AGAP1: variants seen among roughly 807,000 people sequenced by gnomAD.
AGAP1 encodes the protein ArfGAP with GTPase domain, ankyrin repeat and PH domain 1.
A neutral mutation model predicts 105.3 loss-of-function variants in AGAP1; 29 were observed. The ratio of observed to expected loss-of-function variants is 0.28; its 90% CI spans 0.21 to 0.38. AGAP1 has a LOEUF of 0.38. Ranked by LOEUF, AGAP1 falls within the 10% of genes least tolerant of loss-of-function variation. The pLI, the probability that AGAP1 is intolerant of heterozygous loss-of-function variation, is 1.00. For synonymous variants in AGAP1, 509 were observed against 485.9 expected (o/e 1.05, Z -0.63); for missense variants, 998 against 1,165.1 (o/e 0.86, Z 2.09).
chr2:235,915,493 A>T (rs1012639347), intron 11 of AGAP1, among the ~76,000 whole-genome samples: 7 of 152,012 alleles, frequency 4.6e-5, no homozygotes, highest in Non-Finnish European at 2.9e-5. Flanking sequence ...AATCTAGGCA[A>T]CATGGTGAAA....
At chr2:235,698,343 A>G (rs1240203067) in intron 1 of AGAP1, among the ~76,000 whole-genome samples, 2 of 152,182 alleles carry the variant, frequency 1.3e-5, no homozygotes, top group African/African-American at 2.4e-5. Flanking sequence ...GATGAGTACC[A>G]GTCCACGTCC....
chr2:235,814,763 G>A (rs530533992), intron 9 of AGAP1, among the ~76,000 whole-genome samples: 1 of 152,324 alleles, frequency 6.6e-6, no homozygotes, highest in South Asian at 2.1e-4. Flanking sequence ...TGGCAGAACA[G>A]GAGGGAGGCA....
rs1487117988 is a variant in AGAP1 at position 235,971,364 on chromosome 2, T to C, written c.1645+2741T>C. On this transcript the variant is annotated intron_variant, in intron 13 of 17. Coordinates refer to ENST00000304032, the MANE Select transcript of AGAP1 (RefSeq NM_001037131.3). The surrounding 1 kb of genome is among the most constrained non-coding windows in gnomAD (Gnocchi z 4.8). The stretch of plus-strand genomic sequence containing the variant: ...TGATATTTTTGATAGTTTTATTTAC[T>C]GTTAATTCCTTGAAAGTACATTGTG... Among the ~76,000 whole-genome samples the C allele has an allele frequency of 6.6e-6, 1 of 152,244 alleles. No homozygotes were observed. The highest frequency in any genetic ancestry group is 2.4e-5 in the African/African-American group (1 of 41,468).
In AGAP1 at chr2:236,129,017, C is replaced by T. The variant is rs1439300296; in HGVS notation, c.*4895C>T. On this transcript the variant is annotated 3_prime_UTR_variant, in exon 18 of 18. Transcript: ENST00000304032. This position sits in a 1 kb window ranked among gnomAD's most constrained non-coding sequence, Gnocchi z 6.2. ...CAAAGGAAATGTAATTTATTTCCAA[C>T]CGCTGCCTCAGACGGGGGTTTCACA... 1 of 152,240 alleles carries T rather than the reference C, an allele frequency of 6.6e-6. No individual in the cohort carries two copies. Among genetic ancestry groups the T allele is most frequent in the African/African-American group, 2.4e-5 (1 of 41,466 alleles). The allele number at this position is 152,240 out of a possible 1,614,324, so 9.4% of individuals were successfully genotyped here. A position where few individuals can be genotyped will look rare whatever the true frequency, so the allele number is the denominator to read the frequency against.
rs2054134551 is a variant in AGAP1 at position 235,960,493 on chromosome 2, C to G, written c.1484-7969C>G. Among the ~76,000 whole-genome samples, 2 of 152,110 alleles carry G rather than the reference C, an allele frequency of 1.3e-5. 1 individual carries two copies. Among genetic ancestry groups the G allele is most frequent in the African/African-American group, 4.8e-5 (2 of 41,424 alleles). ...ATTCTCTGGGGTGGCTGGAGGTGGC[C>G]TGGGTATGCTCGGTCCAGTGCAGGT... On this transcript the variant is annotated intron_variant, in intron 12 of 17. Transcript: ENST00000304032. The surrounding 1 kb of genome is among the most constrained non-coding windows in gnomAD (Gnocchi z 4.9).
chr2:235,893,677 C>G lies in AGAP1; in HGVS notation c.1155+10228C>G, dbSNP rs1343825854. ...GTGAGAATGTCCCTTTCTGCCCCAT[C>G]TAGTGTATGTCATTGAGGAGGAGGG... On this transcript the variant is annotated intron_variant, in intron 10 of 17. Coordinates refer to ENST00000304032, the MANE Select transcript of AGAP1 (RefSeq NM_001037131.3). This position sits in a 1 kb window ranked among gnomAD's most constrained non-coding sequence, Gnocchi z 4.7. 3.3e-5 allele frequency among the ~76,000 whole-genome samples: 5 copies of G among 152,148 alleles called. No individual in the cohort carries two copies. The highest frequency in any genetic ancestry group is 5.9e-5 in the Non-Finnish European group (4 of 68,032).
chr2:235,773,656 T>G (rs955747610), intron 6 of AGAP1, among the ~76,000 whole-genome samples: 2 of 152,172 alleles, frequency 1.3e-5, no homozygotes, highest in Non-Finnish European at 2.9e-5. Context: ...TAGATTCTGA[T>G]CCTTTTAAAT....
chr2:236,041,384 C>CT (rs142018137), intron 15 of AGAP1, among the ~76,000 whole-genome samples: 38,397 of 150,402 alleles, frequency 0.26, 5,929 homozygotes, highest in African/African-American at 0.44. Flanking sequence ...CAAATGATGT[C>CT]TTGTTTTTTT....
Position 235,799,323 on chromosome 2 carries a change from C to T in AGAP1, c.802-44C>T, listed in dbSNP as rs886884617. On this transcript the variant is annotated intron_variant, in intron 7 of 17. Coordinates refer to ENST00000304032, the MANE Select transcript of AGAP1 (RefSeq NM_001037131.3). The surrounding 1 kb of genome is among the most constrained non-coding windows in gnomAD (Gnocchi z 5.0). ...CTTGCCTAAGTGGAGGTCTTGGGTT[C>T]CTGAGTATGTCGTTAATGAAACCTT... 4.9e-5 allele frequency: 78 copies of T among 1,596,116 alleles called. No homozygotes were observed. The highest frequency in any genetic ancestry group is 6.4e-5 in the Non-Finnish European group (75 of 1,169,838).
In AGAP1 at chr2:235,681,048, G is replaced by T. The variant is rs537057063; in HGVS notation, c.164-28131G>T. On this transcript the variant is annotated intron_variant, in intron 1 of 17. Transcript: ENST00000304032. ...TTTTTAGGCAGAGTGTCGCTCTGTC[G>T]CCCAGGCTGGAGTGCAGTGGCGCCA... Among the ~76,000 whole-genome samples, 167 of 151,984 alleles carry T rather than the reference G, an allele frequency of 1.1e-3. 1 individual carries two copies. In the South Asian group the frequency reaches 0.012, roughly 11 times the overall value.
At chr2:235,658,633 G>A (rs535328856) in intron 1 of AGAP1, among the ~76,000 whole-genome samples, 1 of 152,276 alleles carries the variant, frequency 6.6e-6, no homozygotes, top group African/African-American at 2.4e-5. Context: ...AGTGGACAGG[G>A]CTGGGCTTCC....
chr2:235,829,493 A>T (rs1437903985), intron 9 of AGAP1, among the ~76,000 whole-genome samples: 1 of 152,188 alleles, frequency 6.6e-6, no homozygotes, highest in Non-Finnish European at 1.5e-5. Flanking sequence ...ATCTGAGTCA[A>T]TCCTGGCCAA....
intron 1 of AGAP1, among the ~76,000 whole-genome samples, chr2:235,543,574 GTGTTTCC>G (rs1943525022): frequency 6.6e-6 from 1 of 152,180 alleles, no homozygotes; most frequent in Admixed American, 6.5e-5. Flanking sequence ...CTGGCCGGGG[GTGTTTCC>G]CCGGCCTCTC....
rs902320497 is a variant in AGAP1, at chr2:235,992,178, G to A, written c.1645+23555G>A. Reference sequence around the variant, plus strand: ...CTGTCTTCCTGGGTCCGAGTTGCGTGGTTAGGAGCGCAGCGGAGGAGCCGG... The same window carrying A: ...CTGTCTTCCTGGGTCCGAGTTGCGTAGTTAGGAGCGCAGCGGAGGAGCCGG... On this transcript the variant is annotated intron_variant, in intron 13 of 17. Transcript: ENST00000304032. The surrounding 1 kb of genome is among the most constrained non-coding windows in gnomAD (Gnocchi z 4.8). Among the ~76,000 whole-genome samples, 36 of 152,072 alleles carry A rather than the reference G, an allele frequency of 2.4e-4. No homozygotes were observed. Among genetic ancestry groups the A allele is most frequent in the Admixed American group, 2.0e-3 (31 of 15,278 alleles).
At chr2:235,581,058 AGGCATAGGTC>A (rs1245173710) in intron 1 of AGAP1, among the ~76,000 whole-genome samples, 1 of 146,120 alleles carries the variant, frequency 6.8e-6, no homozygotes, top group East Asian at 2.1e-4. Context: ...CTGCTTTGGG[AGGCATAGGTC>A]GGTGGATCAC....
In AGAP1 at chr2:235,842,532, A is replaced by G. The variant is rs1960988254; in HGVS notation, c.1050+35201A>G. ...TTACCCAGCCACAGGCGTTGCTTAT[A>G]TTTTGGTGACTGTATTTTGATATGA... On this transcript the variant is annotated intron_variant, in intron 9 of 17. Coordinates refer to ENST00000304032, the MANE Select transcript of AGAP1 (RefSeq NM_001037131.3). The surrounding 1 kb of genome is among the most constrained non-coding windows in gnomAD (Gnocchi z 5.3). Among the ~76,000 whole-genome samples the G allele has an allele frequency of 6.6e-6, 1 of 152,168 alleles. No individual in the cohort carries two copies. The highest frequency in any genetic ancestry group is 2.4e-5 in the African/African-American group (1 of 41,454).
rs2059443422 is a variant in AGAP1 at position 236,104,761 on chromosome 2, T to C, written c.2115-15431T>C. 6.6e-6 allele frequency among the ~76,000 whole-genome samples: 1 copy of C among 152,184 alleles called. No homozygotes were observed. Among genetic ancestry groups the C allele is most frequent in the Non-Finnish European group, 1.5e-5 (1 of 68,026 alleles). The stretch of plus-strand genomic sequence containing the variant: ...AAAATTAGCTGGGCATGGTGATGCG[T>C]GCCTGTAATCCCAGCTACTCGGGAG... On this transcript the variant is annotated intron_variant, in intron 16 of 17. Transcript: ENST00000304032. This position sits in a 1 kb window ranked among gnomAD's most constrained non-coding sequence, Gnocchi z 4.7.
intron 1 of AGAP1, among the ~76,000 whole-genome samples, chr2:235,696,985 CAAAA>C (rs548086109): frequency 7.0e-6 from 1 of 143,460 alleles, no homozygotes; most frequent in Admixed American, 7.0e-5. Context: ...GACTCGATCT[CAAAA>C]AAAAAAAGAG....
rs1294784267 is a variant in AGAP1, at chr2:235,615,136, C to T, written c.164-94043C>T. Among the ~76,000 whole-genome samples the T allele has an allele frequency of 6.6e-6, 1 of 152,224 alleles. No individual in the cohort carries two copies. Among genetic ancestry groups the T allele is most frequent in the African/African-American group, 2.4e-5 (1 of 41,456 alleles). On this transcript the variant is annotated intron_variant, in intron 1 of 17. Coordinates refer to ENST00000304032, the MANE Select transcript of AGAP1 (RefSeq NM_001037131.3). This position sits in a 1 kb window ranked among gnomAD's most constrained non-coding sequence, Gnocchi z 5.0. ...GCGCAGGGAATGAGCAGCCTCTGCT[C>T]CTTCATTTGATTGCTATGACAACCC...
Sources: gnomAD v4.1 joint callset for allele counts (sites outside exome capture counted in the v4.1 genomes callset) on GRCh38, gnomAD v4.1.1 for gene constraint, Gnocchi (gnomAD v3.1) non-coding constraint, MANE v1.5 for transcripts, NCBI Gene and HGNC (gene_info 2026-07-23, HGNC 2026-07-21) for gene names.